Variants in CDH7 observed in about 807,000 individuals in gnomAD.
CDH7 encodes the protein cadherin 7, also known as cadherin-7.
A neutral mutation model predicts 71.8 loss-of-function variants in CDH7; 25 were observed. The ratio of observed to expected loss-of-function variants is 0.35; its 90% confidence interval spans 0.25 to 0.49. The LOEUF is 0.49. Among genes scored for constraint, CDH7 ranks in the 20% least tolerant of loss-of-function variants. The pLI is 0.99. For synonymous variants in CDH7, 381 were observed against 363.8 expected, an observed-to-expected ratio of 1.05 and a Z score of -0.54; for missense variants, 862 against 974.6, an observed-to-expected ratio of 0.88 and a Z score of 1.54.
chr18:65,837,924 A>T (rs1427093669), intron 6 of CDH7, among the ~76,000 whole-genome samples: 4 of 133,326 alleles, frequency 3.0e-5, no homozygotes, highest in Admixed American at 7.9e-5. Context: ...ATTTAGAGTA[A>T]TTTTTTTTTT....
chr18:65,784,020 C>T lies in CDH7; in HGVS notation c.210+20968C>T, dbSNP rs148513496. Among the ~76,000 whole-genome samples the T allele has an allele frequency of 7.9e-4, 119 of 150,672 alleles. No homozygotes were observed. In the East Asian group the frequency reaches 0.021, roughly 26 times the overall value. On this transcript the variant is annotated intron_variant, in intron 2 of 11. Coordinates refer to ENST00000397968, the MANE Select transcript of CDH7 (RefSeq NM_004361.5). The stretch of plus-strand genomic sequence containing the variant: ...AGGCTGGAGTGCAATGGTGTGATCT[C>T]GGCTCACAACAACTTCCACCTTCCT...
intron 6 of CDH7, among the ~76,000 whole-genome samples, chr18:65,837,697 A>C (rs1202742145): frequency 6.6e-6 from 1 of 152,204 alleles, no homozygotes; most frequent in Non-Finnish European, 1.5e-5. Context: ...AAATTTACTC[A>C]AGCTAAAAGA....
Position 65,757,778 on chromosome 18 carries a change from C to CATAT in CDH7, c.-196-4858_-196-4855dup, listed in dbSNP as rs34101205. ...GTAGACATTCCTTCAACTGTATATC[C>CATAT]ATATATATATATATTTTTTTTTTCT... On this transcript the variant is annotated intron_variant, in intron 1 of 11. Transcript: ENST00000397968. 5.1e-4 allele frequency among the ~76,000 whole-genome samples: 73 copies of CATAT among 142,100 alleles called. 1 individual carries two copies. The highest frequency in any genetic ancestry group is 1.9e-3 in the South Asian group (9 of 4,654). The allele number at this position is 142,100 out of a possible 152,430, so 93.2% of individuals were successfully genotyped here.
rs1914374850 is a variant in CDH7, at chr18:65,886,374, A to C, written c.*5480A>C. 6.9e-6 allele frequency: 1 copy of C among 145,394 alleles called. No homozygotes were observed. Among genetic ancestry groups the C allele is most frequent in the African/African-American group, 2.5e-5 (1 of 39,618 alleles). 9.0% of individuals were successfully genotyped at this position (145,394 alleles called of 1,614,324 possible). A position where few individuals can be genotyped will look rare whatever the true frequency, so the allele number is the denominator to read the frequency against. ...CTAAATTGGAAAATAATATTCAAAT[A>C]GATAATTGTCATAATTAATTGAAGC... On this transcript the variant is annotated 3_prime_UTR_variant, in exon 12 of 12. Transcript: ENST00000397968.
At chr18:65,849,379 CT>C (rs377616176) in intron 7 of CDH7, among the ~76,000 whole-genome samples, 382 of 111,864 alleles carry the variant, frequency 3.4e-3, no homozygotes, top group African/African-American at 6.1e-3. Context: ...CTTTTCTTTT[CT>C]TTTCTTTTCT....
rs2144085587 is a variant in CDH7 at position 65,887,246 on chromosome 18, C to CT, written c.*6355dup. The CT allele has an allele frequency of 6.6e-6, 1 of 152,036 alleles. No individual in the cohort carries two copies. Among genetic ancestry groups the CT allele is most frequent in the Non-Finnish European group, 1.5e-5 (1 of 67,990 alleles). The allele number at this position is 152,036 out of a possible 1,614,324, so 9.4% of individuals were successfully genotyped here. On this transcript the variant is annotated 3_prime_UTR_variant, in exon 12 of 12. Transcript: ENST00000397968. ...TGTTGTATACTGTATATGACCAATACTTTAAGAACAATCAAGTTTTTTTAT... is the reference window on the plus strand; with the variant it reads ...TGTTGTATACTGTATATGACCAATACTTTTAAGAACAATCAAGTTTTTTTAT...
At chr18:65,842,217 T>G (rs1459197007) in intron 6 of CDH7, among the ~76,000 whole-genome samples, 1 of 152,016 alleles carries the variant, frequency 6.6e-6, no homozygotes, top group Admixed American at 6.6e-5. Context: ...GGCTCAAGAA[T>G]TTATTGAGAC....
chr18:65,826,533 A>G (rs1912136902), intron 6 of CDH7, among the ~76,000 whole-genome samples: 1 of 129,654 alleles, frequency 7.7e-6, no homozygotes, highest in Non-Finnish European at 1.7e-5. Flanking sequence ...AATTATTAAA[A>G]GGCAGTATCC....
At chr18:65,817,133 C>T (rs1425197982) in intron 4 of CDH7, among the ~76,000 whole-genome samples, 1 of 152,128 alleles carries the variant, frequency 6.6e-6, no homozygotes, top group East Asian at 1.9e-4. Flanking sequence ...ATGAAGCAAG[C>T]TCTGGAAAAT....
intron 11 of CDH7, chr18:65,865,532 A>G (rs1913727757): frequency 6.6e-6 from 1 of 152,150 alleles, no homozygotes; most frequent in Non-Finnish European, 1.5e-5. Context: ...AGTCTGTTGT[A>G]CTGAAATACA....
chr18:65,799,220 T>G (rs1911025732), intron 2 of CDH7, among the ~76,000 whole-genome samples: 1 of 152,084 alleles, frequency 6.6e-6, no homozygotes, highest in Non-Finnish European at 1.5e-5. Flanking sequence ...CAAGATAGGT[T>G]ACACCTACGA....
At chr18:65,799,545 G>A (rs1412969631) in intron 2 of CDH7, among the ~76,000 whole-genome samples, 2 of 151,976 alleles carry the variant, frequency 1.3e-5, no homozygotes, top group South Asian at 2.1e-4. Flanking sequence ...GCATGGTGGC[G>A]GGTGCCTGTA....
chr18:65,887,473 A>G lies in CDH7; in HGVS notation c.*6579A>G, dbSNP rs946441559. On this transcript the variant is annotated 3_prime_UTR_variant, in exon 12 of 12. Coordinates refer to ENST00000397968, the MANE Select transcript of CDH7 (RefSeq NM_004361.5). ...GGTGTTCCCCTTCCTGTGTAACTAT[A>G]TAGCAATTTCATTTTACATGCAGTA... The G allele has an allele frequency of 7.0e-6, 1 of 142,808 alleles. No individual in the cohort carries two copies. The highest frequency in any genetic ancestry group is 2.2e-4 in the South Asian group (1 of 4,590). The allele number at this position is 142,808 out of a possible 1,614,324, so 8.8% of individuals were successfully genotyped here. A position where few individuals can be genotyped will look rare whatever the true frequency, so the allele number is the denominator to read the frequency against.
chr18:65,758,244 A>C (rs1358696141), intron 1 of CDH7, among the ~76,000 whole-genome samples: 4 of 152,218 alleles, frequency 2.6e-5, no homozygotes, highest in Non-Finnish European at 5.9e-5. Flanking sequence ...ATAATGCTTC[A>C]GAGCCCTTAT....
intron 6 of CDH7, among the ~76,000 whole-genome samples, chr18:65,830,780 T>C (rs1169706550): frequency 6.7e-6 from 1 of 149,290 alleles, no homozygotes; most frequent in African/African-American, 2.5e-5. Flanking sequence ...TCTTATTCTT[T>C]CTTAGCCTTG....
chr18:65,762,746 C>T lies in CDH7; in HGVS notation c.-97C>T. The T allele has an allele frequency of 1.1e-6, 1 of 945,534 alleles. No individual in the cohort carries two copies. The allele number at this position is 945,534 out of a possible 1,614,324, so 58.6% of individuals were successfully genotyped here. On this transcript the variant is annotated 5_prime_UTR_variant, in exon 2 of 12. Coordinates refer to ENST00000397968, the MANE Select transcript of CDH7 (RefSeq NM_004361.5). ...ATTATCTCTGGACTCCCAGCTGACACCCTGCCGGAGGCAAGAGCTACTAAG... is the reference window on the plus strand; with the variant it reads ...ATTATCTCTGGACTCCCAGCTGACATCCTGCCGGAGGCAAGAGCTACTAAG...
At chr18:65,834,888 G>A (rs1252889029) in intron 6 of CDH7, among the ~76,000 whole-genome samples, 1 of 152,162 alleles carries the variant, frequency 6.6e-6, no homozygotes, top group Non-Finnish European at 1.5e-5. Context: ...TCTATCTGTG[G>A]TTGTATCAAC....
rs1335721867 is a variant in CDH7 at position 65,843,874 on chromosome 18, C to T, written c.1044C>T (p.Ala348=). 2.5e-6 allele frequency: 4 copies of T among 1,580,996 alleles called. No homozygotes were observed. Among genetic ancestry groups the T allele is most frequent in the Non-Finnish European group, 3.4e-6 (4 of 1,159,682 alleles). Residue 348 remains alanine, a synonymous_variant, in exon 7 of 12, where the codon GCC becomes GCT. Coordinates refer to ENST00000397968, the MANE Select transcript of CDH7 (RefSeq NM_004361.5). Reference sequence around the variant, plus strand: ...GGATAGAAGCTGCAAATAAAGATGCCGACCCTCGCTTTCTGAGCTTGGGTC... The same window carrying T: ...GGATAGAAGCTGCAAATAAAGATGCTGACCCTCGCTTTCTGAGCTTGGGTC... ...TLRIEAANKD[A]DPRFLSLGPF...
intron 7 of CDH7, among the ~76,000 whole-genome samples, chr18:65,854,347 A>C (rs1007244630): frequency 2.0e-5 from 3 of 152,040 alleles, no homozygotes; most frequent in Non-Finnish European, 4.4e-5. Flanking sequence ...AGAGTGTATA[A>C]TTTAGAAATG....
Sources: gnomAD v4.1 joint callset for allele counts (sites outside exome capture counted in the v4.1 genomes callset) on GRCh38, gnomAD v4.1.1 for gene constraint, MANE v1.5 for transcripts, NCBI Gene and HGNC (gene_info 2026-07-23, HGNC 2026-07-21) for gene names.